The following CSMD1 variants were observed in gnomAD, a reference collection of about 807,000 sequenced individuals.
CSMD1 encodes CUB and sushi domain-containing protein 1.
Under a neutral mutation model 417.5 loss-of-function variants are expected in CSMD1, and 213 were observed. The ratio of observed to expected loss-of-function variants is 0.51; its 90% CI spans 0.46 to 0.57. The LOEUF is 0.57. Ranked by LOEUF, CSMD1 falls within the 20% of genes least tolerant of loss-of-function variation. CSMD1 has a pLI of 0.00. For missense variants in CSMD1, 6,923 were observed against 4,529.7 expected, an observed-to-expected ratio of 1.53 and a Z score of -15.17; for synonymous variants, 2,862 against 1,736.8, an observed-to-expected ratio of 1.65 and a Z score of -16.11.
intron 3 of CSMD1, among the ~76,000 whole-genome samples, chr8:4,165,460 C>T (rs1259110461): frequency 6.6e-6 from 1 of 152,180 alleles, no homozygotes; most frequent in African/African-American, 2.4e-5. Flanking sequence ...AGGCTGAGTG[C>T]AATGGCAGTC....
At chr8:4,675,129 C>T (rs1157722710) in intron 1 of CSMD1, among the ~76,000 whole-genome samples, 2 of 152,214 alleles carry the variant, frequency 1.3e-5, no homozygotes, top group Non-Finnish European at 2.9e-5. Flanking sequence ...GCAGCCTGAG[C>T]TGACTAACAC....
chr8:4,124,042 C>G (rs528965500), intron 3 of CSMD1, among the ~76,000 whole-genome samples: 1 of 151,972 alleles, frequency 6.6e-6, no homozygotes, highest in Non-Finnish European at 1.5e-5. Flanking sequence ...ACATTGCATT[C>G]CGGAACGACA....
At chr8:3,826,865 C>A (rs945002799) in intron 5 of CSMD1, among the ~76,000 whole-genome samples, 1 of 152,110 alleles carries the variant, frequency 6.6e-6, no homozygotes, top group African/African-American at 2.4e-5. Flanking sequence ...TAGCTCACTG[C>A]AGCATCGGCC....
In CSMD1 at chr8:3,363,978, G is replaced by A. The variant is rs138933058; in HGVS notation, c.3115+3054C>T. ...TTAACATCTGCAGAAATACTGACTA[G>A]GAAACACAATCAGGAAACACTGCTT... On this transcript the variant is annotated intron_variant, in intron 20 of 69. Coordinates refer to ENST00000635120, the MANE Select transcript of CSMD1 (RefSeq NM_033225.6). Among the ~76,000 whole-genome samples, 374 of 152,106 alleles carry A rather than the reference G, an allele frequency of 2.5e-3. 3 individuals carry two copies. Among genetic ancestry groups the A allele is most frequent in the African/African-American group, 8.7e-3 (361 of 41,500 alleles).
rs551875743 is a variant in CSMD1 at position 3,961,518 on chromosome 8, G to C, written c.818+36385C>G. Among the ~76,000 whole-genome samples, 7 of 152,212 alleles carry C rather than the reference G, an allele frequency of 4.6e-5. No individual in the cohort carries two copies. In the South Asian group the frequency reaches 1.2e-3, roughly 27 times the overall value. On this transcript the variant is annotated intron_variant, in intron 5 of 69. Transcript: ENST00000635120. The stretch of plus-strand genomic sequence containing the variant: ...CGTTCATTATTAAGATTTTGTTCTT[G>C]CTTTGTGAAGACAATAGGAAATCTA...
chr8:3,696,837 T>C (rs933155405), intron 7 of CSMD1, among the ~76,000 whole-genome samples: 3 of 152,228 alleles, frequency 2.0e-5, no homozygotes, highest in African/African-American at 4.8e-5. Context: ...TGTATTCCCA[T>C]AGTTTAAATT....
At chr8:3,668,139 A>G (rs995218175) in intron 7 of CSMD1, among the ~76,000 whole-genome samples, 2 of 152,134 alleles carry the variant, frequency 1.3e-5, no homozygotes, top group African/African-American at 4.8e-5. Context: ...ATTTGGACAG[A>G]TAACGAATCT....
chr8:3,818,110 G>A (rs1338484724), intron 5 of CSMD1, among the ~76,000 whole-genome samples: 4 of 152,178 alleles, frequency 2.6e-5, no homozygotes, highest in African/African-American at 9.6e-5. Flanking sequence ...GTTATTCCCT[G>A]AGAGCCCAGG....
At chr8:4,676,925 G>A (rs1261789027) in intron 1 of CSMD1, among the ~76,000 whole-genome samples, 2 of 146,424 alleles carry the variant, frequency 1.4e-5, no homozygotes, top group Non-Finnish European at 3.0e-5. Context: ...TATACATAGA[G>A]AGAGATGATA....
chr8:4,299,072 C>T (rs953196036), intron 3 of CSMD1, among the ~76,000 whole-genome samples: 6 of 152,034 alleles, frequency 3.9e-5, no homozygotes, highest in Admixed American at 2.0e-4. Flanking sequence ...AATCCTATTT[C>T]TTACTTATGA....
chr8:3,565,804 T>C (rs949664116), intron 10 of CSMD1, among the ~76,000 whole-genome samples: 2 of 151,910 alleles, frequency 1.3e-5, no homozygotes, highest in East Asian at 3.9e-4. Flanking sequence ...CCCTGAGATA[T>C]CTCTCAAATA....
chr8:3,954,767 T>C (rs549548949), intron 5 of CSMD1, among the ~76,000 whole-genome samples: 1 of 151,622 alleles, frequency 6.6e-6, no homozygotes, highest in Non-Finnish European at 1.5e-5. Flanking sequence ...TGAGCATGCG[T>C]AATGTGGCAG....
chr8:3,660,154 T>G (rs1418482800), intron 7 of CSMD1, among the ~76,000 whole-genome samples: 1 of 152,342 alleles, frequency 6.6e-6, no homozygotes, highest in East Asian at 1.9e-4. Flanking sequence ...ATTTCATTTG[T>G]AATGAGAGGC....
intron 42 of CSMD1, among the ~76,000 whole-genome samples, chr8:3,111,578 T>A (rs889870701): frequency 1.3e-5 from 2 of 152,116 alleles, no homozygotes; most frequent in Non-Finnish European, 2.9e-5. Flanking sequence ...ACTTCTGTAA[T>A]CCCAGCACTT....
intron 3 of CSMD1, among the ~76,000 whole-genome samples, chr8:4,237,638 T>C (rs1434967888): frequency 6.6e-6 from 1 of 151,998 alleles, no homozygotes; most frequent in Non-Finnish European, 1.5e-5. Context: ...GCCTCACCCT[T>C]TCTAGTAGCT....
chr8:4,285,108 G>A (rs917096890), intron 3 of CSMD1, among the ~76,000 whole-genome samples: 2 of 152,168 alleles, frequency 1.3e-5, no homozygotes, highest in Admixed American at 1.3e-4. Context: ...TATTATGAAT[G>A]CTAATGAGAA....
rs116785834 is a variant in CSMD1 at position 4,720,660 on chromosome 8, G to C, written c.86-83102C>G. On this transcript the variant is annotated intron_variant, in intron 1 of 69. Coordinates refer to ENST00000635120, the MANE Select transcript of CSMD1 (RefSeq NM_033225.6). ...TCCTCTCGAATTCCTAAACTCGATT[G>C]ATCCACCTGCCTTGGCTTCCCAAAG... 4.9e-3 allele frequency among the ~76,000 whole-genome samples: 745 copies of C among 152,252 alleles called. 3 individuals are homozygous for C. Among genetic ancestry groups the C allele is most frequent in the Middle Eastern group, 0.017 (5 of 294 alleles).
intron 10 of CSMD1, among the ~76,000 whole-genome samples, chr8:3,513,949 G>T (rs1351231266): frequency 6.6e-6 from 1 of 152,102 alleles, no homozygotes; most frequent in Non-Finnish European, 1.5e-5. Flanking sequence ...AGTGAGAGTA[G>T]GTACTTGTAA....
At chr8:4,353,006 T>C (rs550074820) in intron 3 of CSMD1, among the ~76,000 whole-genome samples, 7 of 152,248 alleles carry the variant, frequency 4.6e-5, no homozygotes, top group African/African-American at 1.4e-4. Context: ...TGACTAATTA[T>C]TTCCTCTGGA....
Sources: allele counts gnomAD v4.1 joint callset (sites outside exome capture counted in the v4.1 genomes callset), GRCh38; gene constraint gnomAD v4.1.1; transcripts MANE v1.5; gene names NCBI Gene and HGNC (gene_info 2026-07-23, HGNC 2026-07-21).